Variants in TMPRSS15 observed in about 807,000 individuals in gnomAD.
TMPRSS15 encodes enteropeptidase.
In TMPRSS15, 128 loss-of-function variants were observed where a neutral mutation model predicts 125.3. The ratio of observed to expected loss-of-function variants is 1.02; its 90% CI spans 0.89 to 1.18. The LOEUF (loss-of-function observed/expected upper bound fraction) is 1.18, where lower values mean the gene tolerates loss of function less well. Ranked by LOEUF, TMPRSS15 falls within the 50% of genes most tolerant of loss-of-function variation. The pLI, the probability that TMPRSS15 is intolerant of heterozygous loss-of-function variation, is 0.00. For missense variants in TMPRSS15, 1,283 were observed against 1,212.7 expected, an observed-to-expected ratio of 1.06 and a Z score of -0.86; for synonymous variants, 446 against 423.2, an observed-to-expected ratio of 1.05 and a Z score of -0.66.
intron 18 of TMPRSS15, among the ~76,000 whole-genome samples, chr21:18,299,935 A>G (rs912817724): frequency 2.0e-5 from 3 of 152,184 alleles, no homozygotes; most frequent in African/African-American, 4.8e-5. Context: ...GTTATAGCCA[A>G]ATATAGCATC....
intron 1 of TMPRSS15, among the ~76,000 whole-genome samples, chr21:18,463,598 C>A (rs1978596533): frequency 6.6e-6 from 1 of 152,052 alleles, no homozygotes; most frequent in Non-Finnish European, 1.5e-5. Flanking sequence ...ACCTAGCAGA[C>A]CTAATAGACA....
At chr21:18,419,594 G>A (rs2076187909) in intron 1 of TMPRSS15, among the ~76,000 whole-genome samples, 1 of 152,104 alleles carries the variant, frequency 6.6e-6, no homozygotes, top group African/African-American at 2.4e-5. Context: ...ACCACCTGGT[G>A]TGTGTGTATG....
chr21:18,408,599 A>G (rs2076158294), upstream of TMPRSS15, among the ~76,000 whole-genome samples: 1 of 152,082 alleles, frequency 6.6e-6, no homozygotes, highest in African/African-American at 2.4e-5. Context: ...GACTTTCTAT[A>G]TAATTTTAAC....
At chr21:18,349,671 G>A (rs928932859) in intron 10 of TMPRSS15, among the ~76,000 whole-genome samples, 1 of 152,128 alleles carries the variant, frequency 6.6e-6, no homozygotes, top group Non-Finnish European at 1.5e-5. Context: ...ACAGGTATGG[G>A]AGTTGGAGAG....
chr21:18,403,598 A>C lies in TMPRSS15; in HGVS notation c.25T>G (p.Ser9Ala). MGSKRGIS[S>A]RHHSLSSYEI... ...TAGGAGCTGAGAGAATGATGCCTAG[A>C]AGATATGCCTCTTTTCGACCCCATT... is the stretch of plus-strand genomic sequence containing the variant. Residue 9 changes from serine (S) to alanine (A), a missense_variant, in exon 1 of 25, where the codon TCT becomes GCT. Physicochemically the swap from Ser to Ala is moderately conservative, Grantham distance 99. Transcript: ENST00000284885. 6.2e-7 allele frequency: 1 copy of C among 1,614,166 alleles called. No individual in the cohort carries two copies. The highest frequency in any genetic ancestry group is 8.5e-7 in the Non-Finnish European group (1 of 1,180,008).
intron 18 of TMPRSS15, among the ~76,000 whole-genome samples, chr21:18,305,228 G>A (rs993194920): frequency 5.9e-5 from 7 of 119,140 alleles, no homozygotes; most frequent in Admixed American, 1.2e-4. Flanking sequence ...TCCCTCTGTC[G>A]CCCAGGCTGG....
chr21:18,399,949 A>G (rs1449037048), intron 1 of TMPRSS15, among the ~76,000 whole-genome samples: 1 of 152,126 alleles, frequency 6.6e-6, no homozygotes, highest in African/African-American at 2.4e-5. Flanking sequence ...TCAAGCTGAG[A>G]GCCAAATCAA....
At chr21:18,346,345 C>T (rs943152523) in intron 10 of TMPRSS15, among the ~76,000 whole-genome samples, 1 of 152,078 alleles carries the variant, frequency 6.6e-6, no homozygotes, top group Non-Finnish European at 1.5e-5. Context: ...TCCAAGGCAT[C>T]CCATTCCGTT....
chr21:18,402,360 C>T (rs373392413), intron 1 of TMPRSS15, among the ~76,000 whole-genome samples: 35 of 151,920 alleles, frequency 2.3e-4, no homozygotes, highest in Middle Eastern at 3.4e-3. Context: ...GAAACCCCAC[C>T]GCTACTAAAA....
intron 18 of TMPRSS15, among the ~76,000 whole-genome samples, chr21:18,302,797 T>C (rs1160551975): frequency 1.3e-5 from 2 of 152,176 alleles, no homozygotes; most frequent in Admixed American, 1.3e-4. Flanking sequence ...GTGATACTTC[T>C]AGGAGATTGT....
chr21:18,270,216 A>AAAT, intron 24 of TMPRSS15, 92 bp from the exon 25 acceptor site: 1 of 1,112,546 alleles, frequency 9.0e-7, no homozygotes, highest in East Asian at 2.7e-5. Flanking sequence ...TAAAAAATAA[A>AAAT]AATTAATTAA....
intron 18 of TMPRSS15, among the ~76,000 whole-genome samples, chr21:18,304,518 T>C (rs1258335835): frequency 2.6e-5 from 4 of 152,174 alleles, no homozygotes; most frequent in Non-Finnish European, 5.9e-5. Context: ...AGGTTGGTAG[T>C]TGGCAAAGAA....
At chr21:18,316,993 T>C (rs1227262155) in intron 16 of TMPRSS15, among the ~76,000 whole-genome samples, 2 of 152,090 alleles carry the variant, frequency 1.3e-5, no homozygotes, top group Non-Finnish European at 2.9e-5. Flanking sequence ...TGAACAATCA[T>C]ATGGGGAAGC....
At chr21:18,388,552 C>A (rs1410823782) in intron 3 of TMPRSS15, among the ~76,000 whole-genome samples, 1 of 152,128 alleles carries the variant, frequency 6.6e-6, no homozygotes, top group Non-Finnish European at 1.5e-5. Flanking sequence ...CTGCAATGGA[C>A]ACTGTGCTTT....
rs1569055772 is a variant in TMPRSS15 at position 18,396,853 on chromosome 21, A to AT, written c.344+1025_344+1026insA. ...ATCTATCTATCTATCTATCTATCTT[A>AT]AGTCACAAAAGGCTTGGCCTGAAAT... is the stretch of plus-strand genomic sequence containing the variant. On this transcript the variant is annotated intron_variant, in intron 3 of 24. Transcript: ENST00000284885. 4.6e-5 allele frequency among the ~76,000 whole-genome samples: 5 copies of AT among 107,766 alleles called. No individual in the cohort carries two copies. The South Asian group carries it at 9.1e-4, about 20-fold the overall frequency. The allele number at this position is 107,766 out of a possible 152,430, so 70.7% of individuals were successfully genotyped here.
intron 1 of TMPRSS15, among the ~76,000 whole-genome samples, chr21:18,465,469 T>C (rs901024891): frequency 6.6e-6 from 1 of 152,156 alleles, no homozygotes; most frequent in African/African-American, 2.4e-5. Flanking sequence ...GGAAGTCAAA[T>C]TGTCTCTGTT....
chr21:18,357,459 C>T (rs1015936246), intron 8 of TMPRSS15, among the ~76,000 whole-genome samples: 3 of 151,738 alleles, frequency 2.0e-5, no homozygotes, highest in Non-Finnish European at 4.4e-5. Flanking sequence ...TATATAACAA[C>T]TATTTTATGA....
At chr21:18,427,384 TTAAG>T (rs1416921173) in intron 1 of TMPRSS15, among the ~76,000 whole-genome samples, 1 of 152,260 alleles carries the variant, frequency 6.6e-6, no homozygotes. Flanking sequence ...ACTATTACAT[TTAAG>T]GGAATAAAAG....
intron 1 of TMPRSS15, among the ~76,000 whole-genome samples, chr21:18,430,303 G>T (rs1226279344): frequency 6.6e-6 from 1 of 152,168 alleles, no homozygotes; most frequent in Admixed American, 6.5e-5. Flanking sequence ...TCTCTCAAAA[G>T]ATGTGTAGTA....
Sources: allele counts gnomAD v4.1 joint callset (sites outside exome capture counted in the v4.1 genomes callset), GRCh38; gene constraint gnomAD v4.1.1; transcripts MANE v1.5; gene names NCBI Gene and HGNC (gene_info 2026-07-23, HGNC 2026-07-21).